The following ATG10 variants were observed in gnomAD, a reference collection of about 807,000 sequenced individuals.
ATG10 encodes the protein ubiquitin-like-conjugating enzyme ATG10.
A neutral mutation model predicts 32.1 loss-of-function variants in ATG10; 30 were observed. That is an observed-to-expected ratio of 0.94 (90% CI 0.70 to 1.27). The LOEUF (loss-of-function observed/expected upper bound fraction) is 1.27, where lower values mean the gene tolerates loss of function less well. Among genes scored for constraint, ATG10 ranks in the 50% most tolerant of loss-of-function variants. The pLI, the probability that ATG10 is intolerant of heterozygous loss-of-function variation, is 0.00. For synonymous variants in ATG10, 87 were observed against 91.5 expected, an observed-to-expected ratio of 0.95 and a Z score of 0.28; for missense variants, 233 against 262.3, an observed-to-expected ratio of 0.89 and a Z score of 0.77.
At position 82,080,085 on chromosome 5, in the gene ATG10, G is replaced by A. The variant is rs1764421109; in HGVS notation, c.216+21483G>A. On this transcript the variant is annotated intron_variant, in intron 3 of 7. Coordinates refer to ENST00000282185, the MANE Select transcript of ATG10 (RefSeq NM_031482.5). Reference sequence around the variant, plus strand: ...AACTGGTGTGAGATGGTATCTCATTGTGGTTTTGATTTGCATTTATCTGAT... The same window carrying A: ...AACTGGTGTGAGATGGTATCTCATTATGGTTTTGATTTGCATTTATCTGAT... 1.2e-4 allele frequency among the ~76,000 whole-genome samples: 19 copies of A among 152,298 alleles called. No individual in the cohort carries two copies. In the South Asian group the frequency reaches 3.9e-3, roughly 32 times the overall value.
At chr5:82,091,885 C>T (rs1351874113) in intron 3 of ATG10, among the ~76,000 whole-genome samples, 1 of 152,128 alleles carries the variant, frequency 6.6e-6, no homozygotes, top group Non-Finnish European at 1.5e-5. Flanking sequence ...GGGTTAATTA[C>T]TACCAGTAAA....
intron 2 of ATG10, among the ~76,000 whole-genome samples, chr5:82,056,435 T>TG (rs1038467170): frequency 2.0e-5 from 3 of 151,026 alleles, no homozygotes; most frequent in South Asian, 2.1e-4. Flanking sequence ...CCAGGTTTTT[T>TG]TTTTTTTTTT....
intron 3 of ATG10, among the ~76,000 whole-genome samples, chr5:82,136,895 G>C (rs1473110269): frequency 6.6e-6 from 1 of 152,106 alleles, no homozygotes; most frequent in African/African-American, 2.4e-5. Context: ...ATTTCTTGGA[G>C]GCTTTGTTCA....
At chr5:81,996,649 A>T (rs1761673501) in intron 2 of ATG10, among the ~76,000 whole-genome samples, 1 of 152,232 alleles carries the variant, frequency 6.6e-6, no homozygotes, top group Non-Finnish European at 1.5e-5. Context: ...TCAATAGCAA[A>T]TGGCAATCAT....
intron 5 of ATG10, among the ~76,000 whole-genome samples, chr5:82,199,761 G>A (rs1744994029): frequency 6.6e-6 from 1 of 152,130 alleles, no homozygotes; most frequent in South Asian, 2.1e-4. Context: ...TCAAGATACA[G>A]AGCATTTCCA....
chr5:82,137,518 C>T (rs1561318908), intron 3 of ATG10, among the ~76,000 whole-genome samples: 1 of 152,212 alleles, frequency 6.6e-6, no homozygotes, highest in East Asian at 1.9e-4. Flanking sequence ...ACTCCATACC[C>T]TGTTTTCCTG....
At chr5:82,184,970 A>G (rs1423181438) in intron 5 of ATG10, among the ~76,000 whole-genome samples, 1 of 152,174 alleles carries the variant, frequency 6.6e-6, no homozygotes, top group Non-Finnish European at 1.5e-5. Flanking sequence ...GCCTAAATAT[A>G]ATGATGATGA....
chr5:82,252,522 G>A (rs560880220), intron 5 of ATG10, 40 bp from the exon 6 acceptor site: 8 of 1,247,972 alleles, frequency 6.4e-6, no homozygotes, highest in East Asian at 4.7e-5. Flanking sequence ...CCTTTTCAAA[G>A]TAACTCACAC....
chr5:82,139,889 T>G (rs1207273428), intron 3 of ATG10, among the ~76,000 whole-genome samples: 19 of 82,912 alleles, frequency 2.3e-4, no homozygotes, highest in South Asian at 4.2e-4. Context: ...GGGAGGGAGG[T>G]GGGGGGGTCA....
chr5:82,064,477 A>G (rs1763879743), intron 3 of ATG10, among the ~76,000 whole-genome samples: 1 of 152,036 alleles, frequency 6.6e-6, no homozygotes, highest in Non-Finnish European at 1.5e-5. Flanking sequence ...AGAGAGTACT[A>G]TTTGCTTAGC....
At chr5:82,167,843 G>A (rs1743642702) in intron 4 of ATG10, among the ~76,000 whole-genome samples, 1 of 152,208 alleles carries the variant, frequency 6.6e-6, no homozygotes, top group South Asian at 2.1e-4. Flanking sequence ...GGATTTAAGA[G>A]AAGAAATAAG....
chr5:82,047,925 T>C (rs1219004055), intron 2 of ATG10, among the ~76,000 whole-genome samples: 1 of 152,176 alleles, frequency 6.6e-6, no homozygotes, highest in Non-Finnish European at 1.5e-5. Flanking sequence ...CAGTTTCAGC[T>C]TTCTACATAT....
At chr5:82,211,229 T>C (rs1473339741) in intron 5 of ATG10, among the ~76,000 whole-genome samples, 1 of 152,234 alleles carries the variant, frequency 6.6e-6, no homozygotes, top group African/African-American at 2.4e-5. Flanking sequence ...TATTATCTGC[T>C]AGGAATTTAC....
At chr5:82,073,466 G>C (rs1229081772) in intron 3 of ATG10, 1 of 152,120 alleles carries the variant, frequency 6.6e-6, no homozygotes, top group Non-Finnish European at 1.5e-5. Flanking sequence ...GAAAGAACAA[G>C]GGCTTTAAAA....
chr5:82,021,275 A>AC (rs1329784649), intron 2 of ATG10, among the ~76,000 whole-genome samples: 1 of 152,190 alleles, frequency 6.6e-6, no homozygotes, highest in Non-Finnish European at 1.5e-5. Flanking sequence ...GGATAGGCTG[A>AC]CCAGGGTATG....
At chr5:82,059,657 A>ACT (rs112809340) in intron 3 of ATG10, among the ~76,000 whole-genome samples, 152,161 of 152,264 alleles carry the variant, frequency 1, 76,029 homozygotes, top group Middle Eastern at 1. Flanking sequence ...GAAAGAGGTG[A>ACT]ATTTTTGTGT....
At chr5:82,217,084 A>C (rs1190964797) in intron 5 of ATG10, among the ~76,000 whole-genome samples, 1 of 152,072 alleles carries the variant, frequency 6.6e-6, no homozygotes, top group African/African-American at 2.4e-5. Flanking sequence ...GGTAGCAACA[A>C]CTATCTTCTC....
intron 3 of ATG10, among the ~76,000 whole-genome samples, chr5:82,137,269 G>T (rs542848779): frequency 4.4e-4 from 67 of 151,942 alleles, no homozygotes; most frequent in African/African-American, 1.6e-3. Context: ...AAGCAGTTGT[G>T]ATCCTTGAGA....
intron 3 of ATG10, among the ~76,000 whole-genome samples, chr5:82,121,018 CTA>C (rs1766020313): frequency 6.6e-6 from 1 of 152,184 alleles, no homozygotes; most frequent in Non-Finnish European, 1.5e-5. Flanking sequence ...AATGATAAAA[CTA>C]TATTCAGTAA....
Sources: allele counts gnomAD v4.1 joint callset (sites outside exome capture counted in the v4.1 genomes callset), GRCh38; gene constraint gnomAD v4.1.1; transcripts MANE v1.5; gene names NCBI Gene and HGNC (gene_info 2026-07-23, HGNC 2026-07-21).